Variants in MTHFSD observed in about 807,000 individuals in gnomAD.
The protein encoded by MTHFSD is methenyltetrahydrofolate synthase domain-containing protein.
MTHFSD carries 37 observed loss-of-function variants against 31.1 expected under a neutral mutation model. That is an observed-to-expected ratio of 1.19 (90% CI 0.91 to 1.56). The LOEUF is 1.56. Among genes scored for constraint, MTHFSD ranks in the 40% most tolerant of loss-of-function variants. The pLI is 0.00. For missense variants in MTHFSD, 664 were observed against 510.1 expected (o/e 1.30, Z -2.91); for synonymous variants, 221 against 206.9 (o/e 1.07, Z -0.59).
chr16:86,544,784 T>C (rs1972036387), intron 5 of MTHFSD, among the ~76,000 whole-genome samples: 1 of 152,138 alleles, frequency 6.6e-6, no homozygotes, highest in Non-Finnish European at 1.5e-5. Context: ...CTATTCACAA[T>C]AACAATGACA....
At chr16:86,541,070 C>A in intron 7 of MTHFSD, 6 of 1,247,172 alleles carry the variant, frequency 4.8e-6, no homozygotes, top group Non-Finnish European at 6.2e-6. Context: ...GTTTTGTCCA[C>A]ACGAAGCACA....
In MTHFSD at chr16:86,546,715, T is replaced by G; in HGVS notation, c.352-66A>C. 3 of 1,362,696 alleles carry G rather than the reference T, an allele frequency of 2.2e-6. No homozygotes were observed. The Admixed American group carries it at 5.1e-5, about 23-fold the overall frequency. 84.4% of individuals were successfully genotyped at this position (1,362,696 alleles called of 1,614,324 possible). A position where few individuals can be genotyped will look rare whatever the true frequency, so the allele number is the denominator to read the frequency against. On this transcript the variant is annotated intron_variant, in intron 4 of 7. Transcript: ENST00000360900. ...TGCTTCCTCATTTTATAATTCATGATCAAAGTGCACTCAGGGTTTGAATCA... is the reference window on the plus strand; with the variant it reads ...TGCTTCCTCATTTTATAATTCATGAGCAAAGTGCACTCAGGGTTTGAATCA...
chr16:86,555,064 T>G, intron 1 of MTHFSD, 105 bp downstream of exon 1: 1 of 1,488,742 alleles, frequency 6.7e-7, no homozygotes, highest in Non-Finnish European at 8.9e-7. Context: ...TTCCGGTGAT[T>G]CTGCCCCATC....
At position 86,535,603 on chromosome 16, in the gene MTHFSD, A is replaced by C. The variant is rs981454882; in HGVS notation, c.682-3122T>G. On this transcript the variant is annotated intron_variant, in intron 7 of 7. Transcript: ENST00000360900. ...TATAACTAATTCTATTCTAAAAAAA[A>C]AAAATAGAATAAACTTTAAGTTTAA... is the stretch of plus-strand genomic sequence containing the variant. 4 of 688,628 alleles carry C rather than the reference A, an allele frequency of 5.8e-6. No homozygotes were observed. In the African/African-American group the frequency reaches 7.8e-5, roughly 13 times the overall value. 42.7% of individuals were successfully genotyped at this position (688,628 alleles called of 1,614,324 possible). A position where few individuals can be genotyped will look rare whatever the true frequency, so the allele number is the denominator to read the frequency against.
intron 2 of MTHFSD, among the ~76,000 whole-genome samples, 166 bp downstream of exon 2, chr16:86,554,479 T>C (rs569216447): frequency 1.3e-5 from 2 of 152,176 alleles, no homozygotes; most frequent in Non-Finnish European, 2.9e-5. Flanking sequence ...AAATGACGTC[T>C]CTAAATGCTA....
intron 5 of MTHFSD, among the ~76,000 whole-genome samples, chr16:86,543,632 C>CAG (rs1161737314): frequency 1.3e-5 from 2 of 152,224 alleles, no homozygotes; most frequent in Non-Finnish European, 2.9e-5. Flanking sequence ...ACACAGTCTC[C>CAG]AGCAAGGCAC....
chr16:86,551,966 C>G, intron 3 of MTHFSD, 67 bp downstream of exon 3: 1 of 1,602,366 alleles, frequency 6.2e-7, no homozygotes, highest in Non-Finnish European at 8.5e-7. Flanking sequence ...GTGCACTGAC[C>G]AGCTACCTGG....
At chr16:86,537,645 C>T (rs985532753) in intron 7 of MTHFSD, among the ~76,000 whole-genome samples, 3 of 152,178 alleles carry the variant, frequency 2.0e-5, no homozygotes, top group South Asian at 2.1e-4. Flanking sequence ...GTGTTTTATG[C>T]GGGATCTGAA....
rs764854355 is a variant in MTHFSD at position 86,548,218 on chromosome 16, A to G, written c.351+246T>C. On this transcript the variant is annotated intron_variant, in intron 4 of 7. Transcript: ENST00000360900. ...ATCACCCGTCTTCCCTTTTCTTACA[A>G]TAAGGAATTTATAATTTGCCAATTT... 27 of 1,047,980 alleles carry G rather than the reference A, an allele frequency of 2.6e-5. No individual in the cohort carries two copies. In the East Asian group the frequency reaches 4.9e-4, roughly 19 times the overall value. The allele number at this position is 1,047,980 out of a possible 1,614,324, so 64.9% of individuals were successfully genotyped here.
At position 86,541,792 on chromosome 16, in the gene MTHFSD, C is replaced by T; in HGVS notation, c.586G>A (p.Glu196Lys). Residue 196 changes from glutamate (E) to lysine (K), a missense_variant, in exon 7 of 8, where the codon GAG (glutamate) becomes AAG (lysine). Glu to Lys is a moderately conservative substitution (Grantham distance 56, BLOSUM62 1). Coordinates refer to ENST00000360900, the MANE Select transcript of MTHFSD (RefSeq NM_001159377.2). ...VVDIPEELVE[E>K]HDITVDYILT... ...ATGTAGTCCACAGTGATGTCGTGCT[C>T]CTCAACAAGCTCTTCAGGGATGTCC... The T allele has an allele frequency of 6.2e-7, 1 of 1,614,172 alleles. No homozygotes were observed. Among genetic ancestry groups the T allele is most frequent in the Non-Finnish European group, 8.5e-7 (1 of 1,180,040 alleles).
At chr16:86,545,887 C>T (rs1418063098) in intron 5 of MTHFSD, among the ~76,000 whole-genome samples, 1 of 152,254 alleles carries the variant, frequency 6.6e-6, no homozygotes, top group Non-Finnish European at 1.5e-5. Flanking sequence ...TGGGAATGCA[C>T]TGAAAGCAAA....
rs1474479558 is a variant in MTHFSD at position 86,541,624 on chromosome 16, G to A, written c.681+73C>T. 16 of 1,555,946 alleles carry A rather than the reference G, an allele frequency of 1.0e-5. No individual in the cohort carries two copies. In the East Asian group the frequency reaches 1.4e-4, roughly 14 times the overall value. ...TGCTGGGATTGCCAACAGCTCCCAT[G>A]CCAGACAGAAAACACTTAAAAGAGG... On this transcript the variant is annotated intron_variant, in intron 7 of 7. Coordinates refer to ENST00000360900, the MANE Select transcript of MTHFSD (RefSeq NM_001159377.2).
At chr16:86,551,951 G>C (rs1260181885) in intron 3 of MTHFSD, 82 bp downstream of exon 3, 30 of 1,564,642 alleles carry the variant, frequency 1.9e-5, no homozygotes, top group Non-Finnish European at 2.5e-5. Flanking sequence ...ATGCAAGACA[G>C]ACGTGTGCAC....
chr16:86,554,052 G>C (rs1165592585), intron 2 of MTHFSD, among the ~76,000 whole-genome samples: 3 of 152,176 alleles, frequency 2.0e-5, no homozygotes, highest in African/African-American at 7.2e-5. Flanking sequence ...CCAATCAGCA[G>C]GATGTGGGTG....
rs1240915956 is a variant in MTHFSD at position 86,532,467 on chromosome 16, C to G, written c.696G>C (p.Met232Ile). The G allele has an allele frequency of 2.1e-6, 3 of 1,421,068 alleles. No homozygotes were observed. The highest frequency in any genetic ancestry group is 9.2e-7 in the Non-Finnish European group (1 of 1,084,682). The allele number at this position is 1,421,068 out of a possible 1,614,324, so 88.0% of individuals were successfully genotyped here. A position where few individuals can be genotyped will look rare whatever the true frequency, so the allele number is the denominator to read the frequency against. ...GITWFKISLE[M>I]MEKIPILRSL... ...TCCTCAGTATGGGGATTTTCTCCAT[C>G]ATCTCCAGGCTGATCTGAAAAGCAA... The change falls in exon 8 of 8, where the codon ATG becomes ATC. Residue 232 changes from methionine to isoleucine, a missense_variant. Met to Ile is a conservative substitution (Grantham distance 10, BLOSUM62 1). Transcript: ENST00000360900.
Position 86,542,199 on chromosome 16 carries a change from T to C in MTHFSD, c.457A>G (p.Lys153Glu), listed in dbSNP as rs1396980339. 1 of 1,613,478 alleles carries C rather than the reference T, an allele frequency of 6.2e-7. No individual in the cohort carries two copies. The highest frequency in any genetic ancestry group is 2.2e-5 in the East Asian group (1 of 44,872). Residue 153 changes from lysine to glutamate, a missense_variant, in exon 6 of 8, where the codon AAG (lysine) becomes GAG (glutamate). Coordinates refer to ENST00000360900, the MANE Select transcript of MTHFSD (RefSeq NM_001159377.2). The surrounding 1 kb of genome is among the most constrained non-coding windows in gnomAD (Gnocchi z 4.6). ...AVSEKGWRIG[K>E]GEGYADLEYA... is the part of the protein sequence containing the mutation. ...TCCAGATCGGCGTAGCCTTCTCCCT[T>C]CCCGATTCTCCAGCCTAAGAGACAA... is the stretch of plus-strand genomic sequence containing the variant.
intron 2 of MTHFSD, chr16:86,552,362 T>C: frequency 7.3e-7 from 1 of 1,373,428 alleles, no homozygotes; most frequent in Non-Finnish European, 9.8e-7. Flanking sequence ...CCCAAGCAGC[T>C]CGGCCCAGAA....
chr16:86,554,683 A>G lies in MTHFSD; in HGVS notation c.85T>C (p.Phe29Leu), dbSNP rs1455057866. 2.5e-6 allele frequency: 4 copies of G among 1,614,120 alleles called. No homozygotes were observed. The highest frequency in any genetic ancestry group is 2.7e-5 in the African/African-American group (2 of 74,944). The change falls in exon 2 of 8, where the codon TTT becomes CTT. Residue 29 changes from phenylalanine (F) to leucine (L), a missense_variant. Phe to Leu is a conservative substitution (Grantham distance 22). Transcript: ENST00000360900. Reference protein sequence around the residue: ...GYMESQNLADFPRPVHHRIPN... With the variant: ...GYMESQNLADLPRPVHHRIPN... Reference sequence around the variant, plus strand: ...ATCCTGTGATGAACAGGTCGGGGAAAGTCAGCTAAATTTTGTGATTCCATG... The same window carrying G: ...ATCCTGTGATGAACAGGTCGGGGAAGGTCAGCTAAATTTTGTGATTCCATG...
intron 6 of MTHFSD, 106 bp from the exon 7 acceptor site, chr16:86,541,928 A>C (rs1181789540): frequency 6.7e-7 from 1 of 1,491,568 alleles, no homozygotes; most frequent in African/African-American, 1.4e-5. Flanking sequence ...AGCACCCCCA[A>C]ATCCACTCTG....
Sources: gnomAD v4.1 joint callset for allele counts (sites outside exome capture counted in the v4.1 genomes callset) on GRCh38, gnomAD v4.1.1 for gene constraint, Gnocchi (gnomAD v3.1) non-coding constraint, MANE v1.5 for transcripts, NCBI Gene and HGNC (gene_info 2026-07-23, HGNC 2026-07-21) for gene names.